COL25A1: variants seen among roughly 807,000 people sequenced by gnomAD.
COL25A1 encodes collagen alpha-1(XXV) chain.
COL25A1 carries 103 observed loss-of-function variants against 128.4 expected under a neutral mutation model. The observed-to-expected ratio is 0.80, with a 90% CI of 0.68 to 0.94. The LOEUF is 0.94. Among genes scored for constraint, COL25A1 ranks in the 40% least tolerant of loss-of-function variants. COL25A1 has a pLI of 0.00. For missense variants in COL25A1, 745 were observed against 840.0 expected (o/e 0.89, Z 1.40); for synonymous variants, 279 against 277.2 (o/e 1.01, Z -0.06).
intron 3 of COL25A1, among the ~76,000 whole-genome samples, chr4:109,081,661 C>T (rs1298002954): frequency 1.3e-5 from 2 of 152,078 alleles, no homozygotes; most frequent in Non-Finnish European, 2.9e-5. Flanking sequence ...CCCATCTCCA[C>T]CCCCAACCCA....
At chr4:109,003,909 C>T (rs1235614291) in intron 6 of COL25A1, among the ~76,000 whole-genome samples, 7 of 151,956 alleles carry the variant, frequency 4.6e-5, no homozygotes, top group Non-Finnish European at 8.8e-5. Context: ...GTTATTTTTC[C>T]AAGTTGCTGT....
At chr4:109,017,298 T>C (rs2094543922) in intron 5 of COL25A1, among the ~76,000 whole-genome samples, 1 of 152,210 alleles carries the variant, frequency 6.6e-6, no homozygotes, top group Non-Finnish European at 1.5e-5. Context: ...TCATTTGGCG[T>C]CTGGCTCACC....
At chr4:108,988,479 G>T (rs1753858658) in intron 6 of COL25A1, among the ~76,000 whole-genome samples, 1 of 152,166 alleles carries the variant, frequency 6.6e-6, no homozygotes, top group Admixed American at 6.5e-5. Context: ...GTCGACTCAT[G>T]ACACTAAGTC....
intron 3 of COL25A1, among the ~76,000 whole-genome samples, chr4:109,220,250 T>C (rs1201487185): frequency 6.6e-6 from 1 of 152,218 alleles, no homozygotes; most frequent in Admixed American, 6.5e-5. Flanking sequence ...CATTTTATTT[T>C]AAAGATTAAC....
chr4:109,049,680 A>G (rs940326113), intron 4 of COL25A1, among the ~76,000 whole-genome samples: 1 of 152,216 alleles, frequency 6.6e-6, no homozygotes, highest in African/African-American at 2.4e-5. Flanking sequence ...GCATGACAGA[A>G]TTGTGCCAAT....
rs768866193 is a variant in COL25A1, at chr4:108,899,212, A to G, written c.835-32T>C. The G allele has an allele frequency of 1.3e-5, 21 of 1,591,698 alleles. 1 individual carries two copies. In the South Asian group the frequency reaches 2.2e-4, roughly 16 times the overall value. On this transcript the variant is annotated intron_variant, in intron 14 of 37. Transcript: ENST00000399132. ...AAAAAGACAGAGATTGGGTGACATC[A>G]AATCATAAAACACCTAATTTTATTA... is the stretch of plus-strand genomic sequence containing the variant.
chr4:109,142,631 T>C (rs1770525652), intron 3 of COL25A1, among the ~76,000 whole-genome samples: 1 of 152,162 alleles, frequency 6.6e-6, no homozygotes, highest in African/African-American at 2.4e-5. Context: ...GTTAGCTTTG[T>C]GTTGCATTGA....
intron 3 of COL25A1, among the ~76,000 whole-genome samples, chr4:109,126,048 T>A (rs1407235023): frequency 1.3e-5 from 2 of 152,194 alleles, no homozygotes; most frequent in African/African-American, 4.8e-5. Context: ...TTATTTCCTA[T>A]GTGCTTTGCT....
intron 6 of COL25A1, among the ~76,000 whole-genome samples, chr4:108,976,277 A>G (rs1049731307): frequency 1.3e-5 from 2 of 152,232 alleles, no homozygotes; most frequent in Non-Finnish European, 2.9e-5. Flanking sequence ...GATGTGAGGT[A>G]AAAGTCAAGA....
intron 11 of COL25A1, among the ~76,000 whole-genome samples, chr4:108,935,059 C>T (rs181457290): frequency 2.6e-5 from 4 of 152,256 alleles, no homozygotes; most frequent in East Asian, 1.9e-4. Context: ...CAAGGTCAGA[C>T]GGACATTCAT....
chr4:108,942,390 C>T, intron 8 of COL25A1: 1 of 833,600 alleles, frequency 1.2e-6, no homozygotes, highest in South Asian at 1.6e-5. Context: ...AGAAGTCTTG[C>T]CTCATCTGAC....
intron 3 of COL25A1, among the ~76,000 whole-genome samples, chr4:109,217,499 A>G (rs1034519051): frequency 6.6e-6 from 1 of 152,202 alleles, no homozygotes; most frequent in Non-Finnish European, 1.5e-5. Flanking sequence ...ACGATTAATA[A>G]CCTATTAATA....
chr4:109,072,654 T>G (rs893245233), intron 3 of COL25A1, among the ~76,000 whole-genome samples: 2 of 152,212 alleles, frequency 1.3e-5, no homozygotes, highest in African/African-American at 4.8e-5. Context: ...ACCCACATTC[T>G]TAGCTTGCAG....
intron 5 of COL25A1, chr4:109,022,332 C>G: frequency 3.0e-6 from 1 of 328,246 alleles, no homozygotes; most frequent in Non-Finnish European, 6.1e-6. Flanking sequence ...ATGATATCAA[C>G]CATCTTAAAG....
chr4:109,115,783 T>G (rs528130081), intron 3 of COL25A1, among the ~76,000 whole-genome samples: 4 of 151,940 alleles, frequency 2.6e-5, no homozygotes, highest in African/African-American at 9.7e-5. Flanking sequence ...AAACTATCAA[T>G]GTGAAAAGGA....
intron 3 of COL25A1, among the ~76,000 whole-genome samples, chr4:109,105,031 G>T (rs532098513): frequency 6.6e-6 from 1 of 152,288 alleles, no homozygotes; most frequent in Non-Finnish European, 1.5e-5. Context: ...TTCTACCTTG[G>T]ATTGTCTTCA....
chr4:109,113,092 G>A (rs1012036858), intron 3 of COL25A1, among the ~76,000 whole-genome samples: 11 of 151,996 alleles, frequency 7.2e-5, no homozygotes, highest in South Asian at 4.1e-4. Flanking sequence ...CTTCTACACC[G>A]GAGAGAGGAA....
At chr4:108,979,835 G>A (rs1752791194) in intron 6 of COL25A1, among the ~76,000 whole-genome samples, 1 of 152,116 alleles carries the variant, frequency 6.6e-6, no homozygotes, top group African/African-American at 2.4e-5. Flanking sequence ...ACAATCAGTG[G>A]ACTAAATACT....
At chr4:108,927,434 G>A (rs773935623) in intron 11 of COL25A1, among the ~76,000 whole-genome samples, 3 of 152,032 alleles carry the variant, frequency 2.0e-5, no homozygotes, top group Non-Finnish European at 2.9e-5. Flanking sequence ...ATGTTTAGCG[G>A]CTTTCCACCA....
Sources: gnomAD v4.1 joint callset for allele counts (sites outside exome capture counted in the v4.1 genomes callset) on GRCh38, gnomAD v4.1.1 for gene constraint, MANE v1.5 for transcripts, NCBI Gene and HGNC (gene_info 2026-07-23, HGNC 2026-07-21) for gene names.